DPYSL2: variants seen among roughly 807,000 people sequenced by gnomAD.
DPYSL2 encodes the protein dihydropyrimidinase like 2.
A neutral mutation model predicts 69.9 loss-of-function variants in DPYSL2; 13 were observed. The observed-to-expected ratio is 0.19, with a 90% CI of 0.12 to 0.30. The LOEUF (loss-of-function observed/expected upper bound fraction) is 0.30, where lower values mean the gene tolerates loss of function less well. Among genes scored for constraint, DPYSL2 ranks in the 10% least tolerant of loss-of-function variants. DPYSL2 has a pLI of 1.00. For synonymous variants in DPYSL2, 326 were observed against 359.1 expected, an observed-to-expected ratio of 0.91 and a Z score of 1.04; for missense variants, 587 against 918.9, an observed-to-expected ratio of 0.64 and a Z score of 4.67.
chr8:26,557,049 C>T (rs564246132), intron 1 of DPYSL2, among the ~76,000 whole-genome samples: 10 of 152,180 alleles, frequency 6.6e-5, no homozygotes, highest in African/African-American at 2.4e-4. Flanking sequence ...AGACACAGAC[C>T]TCACATCTTT....
rs1158066174 is a variant in DPYSL2, at chr8:26,643,590, G to T, written c.1278G>T (p.Leu426=). ...CTCCAGACTTTCTCAACTCCTTGCTGTCCTGGTGAGTCCTGGCGACTTGTT... is the reference window on the plus strand; with the variant it reads ...CTCCAGACTTTCTCAACTCCTTGCTTTCCTGGTGAGTCCTGGCGACTTGTT... ...PTTPDFLNSL[L]SCGDLQVTGS... is the part of the protein sequence containing the mutation. Residue 426 remains leucine (L), a synonymous_variant, in exon 9 of 14, where the codon CTG becomes CTT. Coordinates refer to ENST00000521913, the MANE Select transcript of DPYSL2 (RefSeq NM_001197293.3). This position sits in a 1 kb window ranked among gnomAD's most constrained non-coding sequence, Gnocchi z 6.5. 1 of 1,614,030 alleles carries T rather than the reference G, an allele frequency of 6.2e-7. No individual in the cohort carries two copies. The highest frequency in any genetic ancestry group is 8.5e-7 in the Non-Finnish European group (1 of 1,180,038).
chr8:26,572,181 C>T lies in DPYSL2; in HGVS notation c.355-9788C>T, dbSNP rs538043386. On this transcript the variant is annotated intron_variant, in intron 1 of 13. Transcript: ENST00000521913. ...TGTGAAATTCTGAACATTGCACTAA[C>T]GCAGAGACCCAGGGCGCCACAGAAG... 2.6e-5 allele frequency among the ~76,000 whole-genome samples: 4 copies of T among 152,300 alleles called. No individual in the cohort carries two copies. The East Asian group carries it at 5.8e-4, about 22-fold the overall frequency.
In DPYSL2 at chr8:26,643,986, G is replaced by A. The variant is rs148677002; in HGVS notation, c.1320G>A (p.Thr440=). 13 of 1,614,094 alleles carry A rather than the reference G, an allele frequency of 8.1e-6. No individual in the cohort carries two copies. The highest frequency in any genetic ancestry group is 2.7e-5 in the African/African-American group (2 of 74,956). ...DLQVTGSAHC[T]FNTAQKAVGK... ...AGGTCACGGGCAGTGCCCATTGCAC[G>A]TTTAACACTGCCCAGAAGGCTGTAG... is the stretch of plus-strand genomic sequence containing the variant. The change falls in exon 10 of 14, where the codon ACG becomes ACA. Residue 440 remains threonine, a synonymous_variant. Coordinates refer to ENST00000521913, the MANE Select transcript of DPYSL2 (RefSeq NM_001197293.3). This position sits in a 1 kb window ranked among gnomAD's most constrained non-coding sequence, Gnocchi z 6.5.
chr8:26,532,359 A>G (rs544812768), intron 1 of DPYSL2, among the ~76,000 whole-genome samples: 2 of 152,332 alleles, frequency 1.3e-5, no homozygotes, highest in East Asian at 3.9e-4. Context: ...GAACTTTGGT[A>G]CAAGTATTTA....
At chr8:26,539,024 T>A (rs536119833) in intron 1 of DPYSL2, among the ~76,000 whole-genome samples, 1 of 152,232 alleles carries the variant, frequency 6.6e-6, no homozygotes, top group Non-Finnish European at 1.5e-5. Flanking sequence ...CCAGTGTCTG[T>A]TGTTCCCATC....
chr8:26,630,387 C>T (rs1802741584), intron 7 of DPYSL2, among the ~76,000 whole-genome samples: 1 of 152,038 alleles, frequency 6.6e-6, no homozygotes, highest in African/African-American at 2.4e-5. Flanking sequence ...GTTCCCAGGG[C>T]TTTGTTCCCA....
At chr8:26,526,054 G>A (rs1043000171) in intron 1 of DPYSL2, among the ~76,000 whole-genome samples, 7 of 152,062 alleles carry the variant, frequency 4.6e-5, no homozygotes, top group African/African-American at 9.7e-5. Context: ...AAATTTCCCT[G>A]TTATATTTGG....
rs147890162 is a variant in DPYSL2 at position 26,641,269 on chromosome 8, C to A, written c.1127-2170C>A. Among the ~76,000 whole-genome samples the A allele has an allele frequency of 9.8e-5, 15 of 152,342 alleles. No individual in the cohort carries two copies. The East Asian group carries it at 2.9e-3, about 29-fold the overall frequency. ...CTTTATCTCCAAGTGCCTCTGCTCT[C>A]ATGAACTTCTTCATGTGGACAAAAG... On this transcript the variant is annotated intron_variant, in intron 8 of 13. Coordinates refer to ENST00000521913, the MANE Select transcript of DPYSL2 (RefSeq NM_001197293.3). The surrounding 1 kb of genome is among the most constrained non-coding windows in gnomAD (Gnocchi z 4.1).
At chr8:26,590,725 G>T (rs1278545306) in intron 3 of DPYSL2, among the ~76,000 whole-genome samples, 4 of 152,370 alleles carry the variant, frequency 2.6e-5, no homozygotes, top group African/African-American at 9.6e-5. Flanking sequence ...AGTTTGGGCC[G>T]ATCTAATGCC....
rs761841138 is a variant in DPYSL2 at position 26,626,699 on chromosome 8, G to A, written c.855+21G>A. On this transcript the variant is annotated intron_variant, in intron 5 of 13. Coordinates refer to ENST00000521913, the MANE Select transcript of DPYSL2 (RefSeq NM_001197293.3). The surrounding 1 kb of genome is among the most constrained non-coding windows in gnomAD (Gnocchi z 4.3). ...GCCAGGTAAGAAAGTCGGCTTTTCG[G>A]AAGAGGCACCCTGACATTTGGTACC... The A allele has an allele frequency of 6.8e-6, 11 of 1,613,528 alleles. No homozygotes were observed. The African/African-American group carries it at 1.2e-4, about 18-fold the overall frequency.
chr8:26,539,712 G>T (rs566896158), intron 1 of DPYSL2, among the ~76,000 whole-genome samples: 148 of 152,134 alleles, frequency 9.7e-4, no homozygotes, highest in African/African-American at 3.5e-3. Flanking sequence ...GCTAATTTTT[G>T]TCTGACCTCA....
At chr8:26,602,771 C>T (rs1316772867) in intron 3 of DPYSL2, among the ~76,000 whole-genome samples, 1 of 152,226 alleles carries the variant, frequency 6.6e-6, no homozygotes, top group Non-Finnish European at 1.5e-5. Flanking sequence ...CAAAAAACTT[C>T]TTGTCTATTG....
chr8:26,555,436 A>G (rs1027209322), intron 1 of DPYSL2, among the ~76,000 whole-genome samples: 2 of 152,194 alleles, frequency 1.3e-5, no homozygotes, highest in Non-Finnish European at 2.9e-5. Flanking sequence ...TACAAAAGCC[A>G]ATTGGTTTTC....
chr8:26,568,703 AG>A (rs59955580), intron 1 of DPYSL2, among the ~76,000 whole-genome samples: 33,338 of 151,782 alleles, frequency 0.22, 4,548 homozygotes, highest in African/African-American at 0.38. Context: ...TTCTTTTAAG[AG>A]ATGAAAACTC....
At position 26,598,505 on chromosome 8, in the gene DPYSL2, T is replaced by A. The variant is rs534807306; in HGVS notation, c.628+14522T>A. Among the ~76,000 whole-genome samples, 20 of 152,310 alleles carry A rather than the reference T, an allele frequency of 1.3e-4. No homozygotes were observed. Among genetic ancestry groups the A allele is most frequent in the African/African-American group, 4.6e-4 (19 of 41,544 alleles). On this transcript the variant is annotated intron_variant, in intron 3 of 13. Coordinates refer to ENST00000521913, the MANE Select transcript of DPYSL2 (RefSeq NM_001197293.3). The surrounding 1 kb of genome is among the most constrained non-coding windows in gnomAD (Gnocchi z 4.2). ...AGATCCATGTTGCTGTACTTAATGC[T>A]TCATGTTTTAGAATGTTAGTGCCAG...
chr8:26,607,448 A>G (rs1353927617), intron 3 of DPYSL2, among the ~76,000 whole-genome samples: 1 of 147,894 alleles, frequency 6.8e-6, no homozygotes, highest in Non-Finnish European at 1.5e-5. Flanking sequence ...GCGCCACTGC[A>G]CTGTAGCCTG....
At position 26,653,443 on chromosome 8, in the gene DPYSL2, G is replaced by A. The variant is rs367615534; in HGVS notation, c.1942+46G>A. 3.3e-5 allele frequency: 51 copies of A among 1,561,136 alleles called. No homozygotes were observed. The highest frequency in any genetic ancestry group is 2.3e-4 in the African/African-American group (17 of 73,422). On this transcript the variant is annotated intron_variant, in intron 13 of 13. Transcript: ENST00000521913. The surrounding 1 kb of genome is among the most constrained non-coding windows in gnomAD (Gnocchi z 5.7). The stretch of plus-strand genomic sequence containing the variant: ...GGGCACAGTTCTGCAGGGCCAGCTC[G>A]CTGGTGCTGGCGAGGCTACAGTTGC...
intron 1 of DPYSL2, among the ~76,000 whole-genome samples, chr8:26,578,883 G>C (rs1391750029): frequency 6.6e-6 from 1 of 152,216 alleles, no homozygotes; most frequent in Non-Finnish European, 1.5e-5. Flanking sequence ...AAACAGGGAC[G>C]AGGTGATGAG....
In DPYSL2 at chr8:26,627,404, G is replaced by A. The variant is rs1802643635; in HGVS notation, c.936+109G>A. 8.6e-7 allele frequency: 1 copy of A among 1,162,850 alleles called. No individual in the cohort carries two copies. The highest frequency in any genetic ancestry group is 1.5e-5 in the African/African-American group (1 of 65,962). The allele number at this position is 1,162,850 out of a possible 1,614,324, so 72.0% of individuals were successfully genotyped here. ...TAACACCAAGGTGGAAAAGCAGAGG[G>A]ACCTGGTGTTCCCTTGCTGGAGCTC... is the stretch of plus-strand genomic sequence containing the variant. On this transcript the variant is annotated intron_variant, in intron 6 of 13. Coordinates refer to ENST00000521913, the MANE Select transcript of DPYSL2 (RefSeq NM_001197293.3). This position sits in a 1 kb window ranked among gnomAD's most constrained non-coding sequence, Gnocchi z 6.9.
Sources: allele counts gnomAD v4.1 joint callset (sites outside exome capture counted in the v4.1 genomes callset), GRCh38; gene constraint gnomAD v4.1.1; non-coding constraint Gnocchi (gnomAD v3.1); transcripts MANE v1.5; gene names NCBI Gene and HGNC (gene_info 2026-07-23, HGNC 2026-07-21).